SLC30A8: variants seen among roughly 807,000 people sequenced by gnomAD.
SLC30A8 encodes proton-coupled zinc antiporter SLC30A8.
In SLC30A8, 27 loss-of-function variants were observed where a neutral mutation model predicts 36.9. The observed-to-expected ratio is 0.73, with a 90% CI of 0.54 to 1.01. The LOEUF (loss-of-function observed/expected upper bound fraction) is 1.01. Among genes scored for constraint, SLC30A8 ranks in the 50% least tolerant of loss-of-function variants. The pLI, the probability that SLC30A8 is intolerant of heterozygous loss-of-function variation, is 0.00. For synonymous variants in SLC30A8, 164 were observed against 172.4 expected (o/e 0.95, Z 0.38); for missense variants, 439 against 452.0 (o/e 0.97, Z 0.26).
chr8:117,139,096 A>G (rs987105511), intron 1 of SLC30A8, among the ~76,000 whole-genome samples: 1 of 152,118 alleles, frequency 6.6e-6, no homozygotes, highest in African/African-American at 2.4e-5. Context: ...AGGCAGAAAA[A>G]GAGGTAAAAA....
In SLC30A8 at chr8:117,172,794, G is replaced by A. The variant is rs1233613507; in HGVS notation, c.*113G>A. 8.9e-6 allele frequency: 11 copies of A among 1,241,320 alleles called. No individual in the cohort carries two copies. The highest frequency in any genetic ancestry group is 1.3e-5 in the Non-Finnish European group (11 of 875,534). The allele number at this position is 1,241,320 out of a possible 1,614,324, so 76.9% of individuals were successfully genotyped here. On this transcript the variant is annotated 3_prime_UTR_variant, in exon 8 of 8. Transcript: ENST00000456015. ...CAAAGGAAGAAATTCATGTCATGGT[G>A]CAATGCACATTTTATCTATTTATTT...
At position 117,118,985 on chromosome 8, in the gene SLC30A8, G is replaced by A. The variant is rs149289866; in HGVS notation, c.-225-16295G>A. Among the ~76,000 whole-genome samples the A allele has an allele frequency of 9.4e-3, 1,433 of 152,014 alleles. 12 individuals are homozygous for A. Among genetic ancestry groups the A allele is most frequent in the South Asian group, 0.035 (169 of 4,824 alleles). ...TATGGGCCTCTGAGACAGGCCTAATGTCTGTGGGGATTCGGATTGGGTAGA... is the reference window on the plus strand; with the variant it reads ...TATGGGCCTCTGAGACAGGCCTAATATCTGTGGGGATTCGGATTGGGTAGA... On this transcript the variant is annotated intron_variant, in intron 2 of 10. Coordinates refer to the SLC30A8 transcript ENST00000427715.
intron 4 of SLC30A8, among the ~76,000 whole-genome samples, chr8:117,158,666 TG>T (rs1206321357): frequency 1.3e-5 from 2 of 152,370 alleles, no homozygotes; most frequent in Non-Finnish European, 2.9e-5. Flanking sequence ...AATGAACTAC[TG>T]GATTGCCCAG....
At position 117,135,395 on chromosome 8, in the gene SLC30A8, A is replaced by G. The variant is rs2130933122; in HGVS notation, c.68A>G (p.Glu23Gly). 1 of 1,592,156 alleles carries G rather than the reference A, an allele frequency of 6.3e-7. No individual in the cohort carries two copies. Among genetic ancestry groups the G allele is most frequent in the East Asian group, 2.3e-5 (1 of 44,404 alleles). Residue 23 changes from glutamate to glycine, a missense_variant, in exon 1 of 8, where the codon GAA becomes GGA. Coordinates refer to ENST00000456015, the MANE Select transcript of SLC30A8 (RefSeq NM_173851.3). Reference sequence around the variant, plus strand: ...GCCAAGATGTATGCTTTCACACTAGAAAGGTAATAGATGTCTGTGTCTGCT... The same window carrying G: ...GCCAAGATGTATGCTTTCACACTAGGAAGGTAATAGATGTCTGTGTCTGCT... ...KAAKMYAFTL[E>G]SVELQQKPVN...
intron 1 of SLC30A8, among the ~76,000 whole-genome samples, chr8:116,968,792 A>G (rs1439240996): frequency 6.6e-6 from 1 of 152,040 alleles, no homozygotes; most frequent in African/African-American, 2.4e-5. Context: ...GCTGGAGTGC[A>G]ATGGCACGAT....
Position 117,103,697 on chromosome 8 carries a change from A to G in SLC30A8, c.-225-31583A>G, listed in dbSNP as rs191472159. Among the ~76,000 whole-genome samples the G allele has an allele frequency of 1.8e-4, 28 of 152,060 alleles. No individual in the cohort carries two copies. The East Asian group carries it at 5.4e-3, about 29-fold the overall frequency. On this transcript the variant is annotated intron_variant, in intron 2 of 10. Coordinates refer to the SLC30A8 transcript ENST00000427715. The stretch of plus-strand genomic sequence containing the variant: ...GCCATGTTGGCCAGACTGGTCTCGA[A>G]CTCCTGGCTTCAAGCAATCCATCAG...
intron 2 of SLC30A8, among the ~76,000 whole-genome samples, chr8:117,054,687 T>A (rs935218734): frequency 6.9e-6 from 1 of 145,226 alleles, no homozygotes; most frequent in East Asian, 2.0e-4. Flanking sequence ...CAGAGGTATG[T>A]AGAATATCAT....
At chr8:117,063,567 T>C (rs928041399) in intron 2 of SLC30A8, among the ~76,000 whole-genome samples, 1 of 152,192 alleles carries the variant, frequency 6.6e-6, no homozygotes, top group Non-Finnish European at 1.5e-5. Context: ...TTGGAAAATA[T>C]ATTGGAAATA....
intron 1 of SLC30A8, among the ~76,000 whole-genome samples, chr8:117,029,300 G>A (rs999308901): frequency 6.6e-6 from 1 of 152,156 alleles, no homozygotes; most frequent in African/African-American, 2.4e-5. Flanking sequence ...CCTTGCAATT[G>A]TCATAAGAAA....
intron 1 of SLC30A8, among the ~76,000 whole-genome samples, chr8:116,997,647 A>G (rs1815865899): frequency 6.6e-6 from 1 of 152,220 alleles, no homozygotes; most frequent in Non-Finnish European, 1.5e-5. Context: ...TAGTCAGGGT[A>G]CATAGCAAAA....
intron 1 of SLC30A8, among the ~76,000 whole-genome samples, chr8:117,020,601 A>G (rs935801603): frequency 2.0e-5 from 3 of 152,214 alleles, no homozygotes; most frequent in African/African-American, 7.2e-5. Context: ...ATTGCTGTGA[A>G]AAAAAGAACA....
intron 1 of SLC30A8, among the ~76,000 whole-genome samples, chr8:117,023,129 A>G (rs1367160903): frequency 6.6e-6 from 1 of 152,260 alleles, no homozygotes. Flanking sequence ...AAAAATGTTC[A>G]TCATTGGCCA....
chr8:117,168,969 A>G (rs1270262502), intron 6 of SLC30A8, among the ~76,000 whole-genome samples: 2 of 152,176 alleles, frequency 1.3e-5, no homozygotes, highest in Admixed American at 6.5e-5. Context: ...AGTTTTTAGG[A>G]CTATTAAATG....
At chr8:117,161,992 C>CTA (rs1822816007) in intron 5 of SLC30A8, 104 bp downstream of exon 5, 2 of 977,362 alleles carry the variant, frequency 2.0e-6, no homozygotes, top group African/African-American at 3.3e-5. Context: ...CTCTGTTTAC[C>CTA]TATACAAACT....
At position 117,153,147 on chromosome 8, in the gene SLC30A8, G is replaced by A. The variant is rs1321771123; in HGVS notation, c.418+57G>A. On this transcript the variant is annotated intron_variant, in intron 3 of 7. Coordinates refer to ENST00000456015, the MANE Select transcript of SLC30A8 (RefSeq NM_173851.3). ...GCTGGTGCTGCAAAGTCAAACCAAG[G>A]GTAAAAGTGGAAGACACGAAGCAAA... is the stretch of plus-strand genomic sequence containing the variant. 3.4e-6 allele frequency: 5 copies of A among 1,466,378 alleles called. No homozygotes were observed. The African/African-American group carries it at 5.6e-5, about 16-fold the overall frequency. The allele number at this position is 1,466,378 out of a possible 1,614,324, so 90.8% of individuals were successfully genotyped here.
At chr8:117,095,453 G>GT (rs34612160) in intron 2 of SLC30A8, among the ~76,000 whole-genome samples, 16,636 of 150,338 alleles carry the variant, frequency 0.11, 1,168 homozygotes, top group Non-Finnish European at 0.15. Flanking sequence ...TGAGGACAGG[G>GT]TTTTTTTTTG....
At position 117,081,146 on chromosome 8, in the gene SLC30A8, T is replaced by C. The variant is rs147297208; in HGVS notation, c.-226+41888T>C. Among the ~76,000 whole-genome samples the C allele has an allele frequency of 3.2e-3, 480 of 152,274 alleles. 5 individuals are homozygous for C. The highest frequency in any genetic ancestry group is 0.011 in the African/African-American group (444 of 41,544). On this transcript the variant is annotated intron_variant, in intron 2 of 10. Transcript: ENST00000427715. ...TGACAAACTGTACTCAGGCAGGTAA[T>C]GAGTGAAAAGATCAGGGTGTGGGAG...
chr8:117,075,087 C>T (rs1374796555), intron 2 of SLC30A8, among the ~76,000 whole-genome samples: 2 of 152,022 alleles, frequency 1.3e-5, no homozygotes, highest in African/African-American at 4.8e-5. Context: ...AGTTAGTATC[C>T]AATTTTAGTG....
At chr8:117,087,109 C>T (rs67460493) in intron 2 of SLC30A8, among the ~76,000 whole-genome samples, 19,843 of 152,016 alleles carry the variant, frequency 0.13, 1,427 homozygotes, top group Non-Finnish European at 0.16. Context: ...TGGGATTTCT[C>T]GGAAATGGAA....
Sources: allele counts gnomAD v4.1 joint callset (sites outside exome capture counted in the v4.1 genomes callset), GRCh38; gene constraint gnomAD v4.1.1; transcripts MANE v1.5; gene names NCBI Gene and HGNC (gene_info 2026-07-23, HGNC 2026-07-21).